The following MBD4 variants were observed in gnomAD, a reference collection of about 807,000 sequenced individuals.
MBD4 encodes the protein methyl-CpG binding domain 4, DNA glycosylase.
In MBD4, 53 loss-of-function variants were observed where a neutral mutation model predicts 60.2. The ratio of observed to expected loss-of-function variants is 0.88; its 90% CI spans 0.71 to 1.11. The LOEUF is 1.11. Among genes scored for constraint, MBD4 ranks in the 50% least tolerant of loss-of-function variants. The pLI, the probability that MBD4 is intolerant of heterozygous loss-of-function variation, is 0.00. For synonymous variants in MBD4, 231 were observed against 229.8 expected, an observed-to-expected ratio of 1.01 and a Z score of -0.05; for missense variants, 619 against 674.0, an observed-to-expected ratio of 0.92 and a Z score of 0.90.
intron 3 of MBD4, among the ~76,000 whole-genome samples, chr3:129,435,147 A>C (rs2072433163): frequency 6.6e-6 from 1 of 152,178 alleles, no homozygotes; most frequent in Admixed American, 6.5e-5. Context: ...TATAAACTGG[A>C]ACAAGTATCC....
In MBD4 at chr3:129,434,083, A is replaced by G; in HGVS notation, c.1237T>C (p.Ser413Pro). Residue 413 changes from serine (S) to proline (P), a missense_variant, in exon 4 of 8, where the codon TCC (serine) becomes CCC (proline). Ser to Pro is a moderately conservative substitution (Grantham distance 74, BLOSUM62 -1). Transcript: ENST00000429544. ...ATACCTTCTTTGTTATATTTGCTGGAAAAATACAGGCTTGTTTTCCTTCTT... is the reference window on the plus strand; with the variant it reads ...ATACCTTCTTTGTTATATTTGCTGGGAAAATACAGGCTTGTTTTCCTTCTT... Reference protein sequence around the residue: ...IERRKTSLYFSSKYNKEALSP... With the variant: ...IERRKTSLYFPSKYNKEALSP... 1 of 1,614,122 alleles carries G rather than the reference A, an allele frequency of 6.2e-7. No individual in the cohort carries two copies.
At position 129,437,944 on chromosome 3, in the gene MBD4, T is replaced by A. The variant is rs200224645; in HGVS notation, c.111A>T (p.Glu37Asp). 2.2e-5 allele frequency: 35 copies of A among 1,593,884 alleles called. No individual in the cohort carries two copies. The East Asian group carries it at 6.9e-4, about 32-fold the overall frequency. Residue 37 changes from glutamate (E) to aspartate (D), a missense_variant, in exon 2 of 8, where the codon GAA (glutamate) becomes GAT (aspartate). Transcript: ENST00000429544. ...VPDPPNDLRK[E>D]DVAMELERVG... is the part of the protein sequence containing the mutation. ...CTCTTTCCAATTCCATAGCAACATC[T>A]TCTTTGCTGGAAAAACAAAGTCTAA... is the stretch of plus-strand genomic sequence containing the variant.
At position 129,433,197 on chromosome 3, in the gene MBD4, C is replaced by A; in HGVS notation, c.1444G>T (p.Ala482Ser). The A allele has an allele frequency of 6.2e-7, 1 of 1,614,186 alleles. No individual in the cohort carries two copies. Among genetic ancestry groups the A allele is most frequent in the Non-Finnish European group, 8.5e-7 (1 of 1,180,024 alleles). Residue 482 changes from alanine to serine, a missense_variant, in exon 6 of 8, where the codon GCT becomes TCT. Ala to Ser is a moderately conservative substitution (Grantham distance 99). Coordinates refer to ENST00000429544, the MANE Select transcript of MBD4 (RefSeq NM_001276270.2). ...CAGTCTGCGGTTCTTGCTACCTCAGCTGAAGGATACTTCTCCAGAAACTTC... is the reference window on the plus strand; with the variant it reads ...CAGTCTGCGGTTCTTGCTACCTCAGATGAAGGATACTTCTCCAGAAACTTC... ...LWKFLEKYPS[A>S]EVARTADWRD...
Position 129,433,986 on chromosome 3 carries a change from TAAAC to T in MBD4, c.1259-6_1259-3del, listed in dbSNP as rs764777920. The T allele has an allele frequency of 5.6e-6, 9 of 1,614,056 alleles. No individual in the cohort carries two copies. The highest frequency in any genetic ancestry group is 6.8e-6 in the Non-Finnish European group (8 of 1,180,008). On this transcript the variant is annotated splice_region_variant and splice_polypyrimidine_tract_variant and intron_variant, in intron 4 of 7. Transcript: ENST00000429544. ...CTTTACGTCGTGGGGGGCTAAGAGC[TAAAC>T]AAACATAGTGCATCAGAATTGAAAA...
At position 129,436,600 on chromosome 3, in the gene MBD4, A is replaced by G; in HGVS notation, c.1044T>C (p.Tyr348=). Residue 348 remains tyrosine (Y), a synonymous_variant, in exon 3 of 8, where the codon TAT becomes TAC. Coordinates refer to ENST00000429544, the MANE Select transcript of MBD4 (RefSeq NM_001276270.2). ...CTTCAGATTCTAAAAAGGTATCCTC[A>G]TACTTCTCGTTGTGTTCTGAGTCTT... ...SAKDSEHNEK[Y]EDTFLESEEI... 6.2e-7 allele frequency: 1 copy of G among 1,614,116 alleles called. No individual in the cohort carries two copies. The highest frequency in any genetic ancestry group is 8.5e-7 in the Non-Finnish European group (1 of 1,180,022).
Position 129,436,765 on chromosome 3 carries a change from A to T in MBD4, c.879T>A (p.Ala293=), listed in dbSNP as rs770049431. 1.5e-5 allele frequency: 24 copies of T among 1,613,988 alleles called. No homozygotes were observed. The highest frequency in any genetic ancestry group is 2.0e-5 in the Non-Finnish European group (24 of 1,180,016). The change falls in exon 3 of 8, where the codon GCT becomes GCA. Residue 293 remains alanine, a synonymous_variant. Coordinates refer to ENST00000429544, the MANE Select transcript of MBD4 (RefSeq NM_001276270.2). The part of the protein sequence containing the change: ...QLDRTVCISD[A]GACGETLSVT... ...CACTGAGGGTCTCACCACATGCTCC[A>T]GCATCAGAAATGCAGACAGTTCTAT...
chr3:129,432,964 T>C (rs2072382239), intron 6 of MBD4, 134 bp downstream of exon 6: 1 of 1,220,164 alleles, frequency 8.2e-7, no homozygotes, highest in Non-Finnish European at 1.2e-6. Context: ...AAAGTGGACT[T>C]TTTTAAATGC....
In MBD4 at chr3:129,431,564, GTC is replaced by G; in HGVS notation, c.1660_1661del (p.Asp554ProfsTer5). 3 of 1,611,810 alleles carry G rather than the reference GTC, an allele frequency of 1.9e-6. No homozygotes were observed. The highest frequency in any genetic ancestry group is 2.5e-6 in the Non-Finnish European group (3 of 1,179,050). On this transcript the variant is annotated frameshift_variant, in exon 8 of 8. Transcript: ENST00000429544. LOFTEE classifies it high-confidence loss of function. Reference sequence around the variant, plus strand: ...AGTCATGATATTTATTTAATTTGTGGTCTTCAGGGTGCACCTGGAAGAAACAT... The same window carrying G: ...AGTCATGATATTTATTTAATTTGTGGTTCAGGGTGCACCTGGAAGAAACAT... ...VNEWKQVHPE[D>X]HKLNKYHDWL...
At chr3:129,438,454 C>A (rs886907301) in intron 1 of MBD4, among the ~76,000 whole-genome samples, 4 of 152,112 alleles carry the variant, frequency 2.6e-5, no homozygotes. Context: ...ATTTTTGAAT[C>A]TTCTTCATTC....
chr3:129,437,341 A>G, intron 2 of MBD4, 33 bp from the exon 3 acceptor site: 1 of 1,548,324 alleles, frequency 6.5e-7, no homozygotes, highest in South Asian at 1.1e-5. Flanking sequence ...ACTTACTGCT[A>G]GTAAATAGAA....
In MBD4 at chr3:129,436,994, T is replaced by C. The variant is rs779148384; in HGVS notation, c.650A>G (p.Asp217Gly). The C allele has an allele frequency of 1.2e-6, 2 of 1,614,184 alleles. No individual in the cohort carries two copies. Among genetic ancestry groups the C allele is most frequent in the Admixed American group, 1.7e-5 (1 of 60,022 alleles). The stretch of plus-strand genomic sequence containing the variant: ...GAAGTTAACATCATCAACACCCTCA[T>C]CTTCTTTCAAAAGCAAATGAGTGGA... ...FTSTHLLLKE[D>G]EGVDDVNFRK... Residue 217 changes from aspartate (D) to glycine (G), a missense_variant, in exon 3 of 8, where the codon GAT becomes GGT. Asp to Gly is a moderately conservative substitution (Grantham distance 94, BLOSUM62 -1). Transcript: ENST00000429544.
At chr3:129,435,863 T>C (rs772849795) in intron 3 of MBD4, among the ~76,000 whole-genome samples, 4 of 152,222 alleles carry the variant, frequency 2.6e-5, no homozygotes, top group Non-Finnish European at 5.9e-5. Flanking sequence ...TTACAAATAA[T>C]AGATGAACTA....
Position 129,431,523 on chromosome 3 carries a change from T to C in MBD4, c.1703A>G (p.His568Arg), listed in dbSNP as rs370417942. ...NKYHDWLWENHEKLSLS is the reference protein window; with the variant it reads ...NKYHDWLWENREKLSLS ...AGTTTAAGATAGACTTAATTTTTCA[T>C]GATTTTCCCAAAGCCAGTCATGATA... Residue 568 changes from histidine (H) to arginine (R), a missense_variant, in exon 8 of 8, where the codon CAT becomes CGT. Coordinates refer to ENST00000429544, the MANE Select transcript of MBD4 (RefSeq NM_001276270.2). 2 of 1,613,464 alleles carry C rather than the reference T, an allele frequency of 1.2e-6. No homozygotes were observed. The highest frequency in any genetic ancestry group is 3.3e-5 in the Admixed American group (2 of 60,028).
Position 129,436,943 on chromosome 3 carries a change from T to C in MBD4, c.701A>G (p.Lys234Arg). The C allele has an allele frequency of 6.2e-7, 1 of 1,614,204 alleles. No individual in the cohort carries two copies. Among genetic ancestry groups the C allele is most frequent in the South Asian group, 1.1e-5 (1 of 91,088 alleles). Residue 234 changes from lysine (K) to arginine (R), a missense_variant, in exon 3 of 8, where the codon AAG becomes AGG. Transcript: ENST00000429544. Reference protein sequence around the residue: ...NFRKVRKPKGKVTILKGIPIK... With the variant: ...NFRKVRKPKGRVTILKGIPIK... ...TGGGATTCCTTTCAAAATAGTCACC[T>C]TTCCTTTGGGCTTTCTAACCTTTCT...
chr3:129,436,046 T>C (rs1196201782), intron 3 of MBD4, among the ~76,000 whole-genome samples: 2 of 152,240 alleles, frequency 1.3e-5, no homozygotes, highest in African/African-American at 4.8e-5. Context: ...CATTTATGTA[T>C]ATAAGAAGCC....
intron 1 of MBD4, among the ~76,000 whole-genome samples, 169 bp downstream of exon 1, chr3:129,439,543 CGAGCGCACCCCAGGGCTG>C (rs1386016785): frequency 2.6e-5 from 4 of 152,142 alleles, no homozygotes; most frequent in African/African-American, 9.7e-5. Context: ...ATGAGGAAGT[CGAGCGCACCCCAGGGCTG>C]ATCGCACAGG....
At chr3:129,436,150 C>A (rs2072455400) in intron 3 of MBD4, among the ~76,000 whole-genome samples, 1 of 152,144 alleles carries the variant, frequency 6.6e-6, no homozygotes, top group Admixed American at 6.5e-5. Flanking sequence ...GAAAGCACTG[C>A]TGAGGAGGAG....
Position 129,433,096 on chromosome 3 carries a change from A to G in MBD4, c.1543+2T>C. 5 of 1,614,178 alleles carry G rather than the reference A, an allele frequency of 3.1e-6. No homozygotes were observed. Among genetic ancestry groups the G allele is most frequent in the Non-Finnish European group, 4.2e-6 (5 of 1,180,010 alleles). ...TTTTCCTTTGGGTGTATAGGAAAAT[A>G]CCTGAGAACTTGACAATGGTTTTTG... is the stretch of plus-strand genomic sequence containing the variant. On this transcript the variant is annotated splice_donor_variant, in intron 6 of 7. Transcript: ENST00000429544. LOFTEE classifies it high-confidence loss of function.
chr3:129,433,146 G>T lies in MBD4; in HGVS notation c.1495C>A (p.Pro499Thr), dbSNP rs751003937. 8.7e-6 allele frequency: 14 copies of T among 1,614,182 alleles called. No homozygotes were observed. The African/African-American group carries it at 1.9e-4, about 22-fold the overall frequency. The change falls in exon 6 of 8, where the codon CCT becomes ACT. Residue 499 changes from proline to threonine, a missense_variant. By Grantham distance (38) the Pro-to-Thr change is conservative. Transcript: ENST00000429544. Reference sequence around the variant, plus strand: ...GCCCGAAGATCGTAGAGACCAAGAGGTTTAAGAAGTTCTGACACATCTCTC... The same window carrying T: ...GCCCGAAGATCGTAGAGACCAAGAGTTTTAAGAAGTTCTGACACATCTCTC... ...DWRDVSELLKPLGLYDLRAKT... is the reference protein window; with the variant it reads ...DWRDVSELLKTLGLYDLRAKT...
Sources: allele counts gnomAD v4.1 joint callset (sites outside exome capture counted in the v4.1 genomes callset), GRCh38; gene constraint gnomAD v4.1.1; transcripts MANE v1.5; gene names NCBI Gene and HGNC (gene_info 2026-07-23, HGNC 2026-07-21).